ZBTB20: variants seen among roughly 807,000 people sequenced by gnomAD.
ZBTB20 encodes zinc finger and BTB domain-containing protein 20.
A neutral mutation model predicts 56.9 loss-of-function variants in ZBTB20; 9 were observed. The ratio of observed to expected loss-of-function variants is 0.16; its 90% CI spans 0.10 to 0.28. ZBTB20 has a LOEUF of 0.28. ZBTB20 is among the 10% of genes least tolerant of loss of function. The pLI is 1.00. For synonymous variants in ZBTB20, 417 were observed against 420.7 expected (o/e 0.99, Z 0.11); for missense variants, 655 against 1,003.0 (o/e 0.65, Z 4.69).
intron 4 of ZBTB20, among the ~76,000 whole-genome samples, chr3:114,825,441 T>C (rs1435513289): frequency 6.6e-6 from 1 of 151,926 alleles, no homozygotes; most frequent in African/African-American, 2.4e-5. Flanking sequence ...GGAGTACTTT[T>C]AAAGGCATTT....
intron 7 of ZBTB20, among the ~76,000 whole-genome samples, chr3:114,407,337 A>G (rs1023139194): frequency 1.1e-4 from 16 of 152,180 alleles, no homozygotes; most frequent in African/African-American, 3.9e-4. Flanking sequence ...ACTACCAGAA[A>G]GTGGATTTTG....
At chr3:114,734,671 A>C (rs946456882) in intron 5 of ZBTB20, among the ~76,000 whole-genome samples, 1 of 152,210 alleles carries the variant, frequency 6.6e-6, no homozygotes, top group African/African-American at 2.4e-5. Flanking sequence ...TGAGCTGTAC[A>C]TGCATTTAAG....
At chr3:114,728,701 A>G (rs2065491596) in intron 5 of ZBTB20, among the ~76,000 whole-genome samples, 1 of 152,234 alleles carries the variant, frequency 6.6e-6, no homozygotes, top group African/African-American at 2.4e-5. Context: ...AGACTGAAAG[A>G]AAGCACATAC....
At chr3:114,469,551 T>C (rs552019565) in intron 7 of ZBTB20, among the ~76,000 whole-genome samples, 1 of 152,356 alleles carries the variant, frequency 6.6e-6, no homozygotes, top group Non-Finnish European at 1.5e-5. Context: ...TATTTGGCTA[T>C]GTTCTGGTTC....
intron 5 of ZBTB20, among the ~76,000 whole-genome samples, chr3:114,766,425 C>T (rs563175752): frequency 6.6e-6 from 1 of 150,878 alleles, no homozygotes; most frequent in South Asian, 2.1e-4. Flanking sequence ...CTCTTAAATG[C>T]TTTTGCATGA....
chr3:114,593,531 T>C lies in ZBTB20; in HGVS notation c.-294-93140A>G, dbSNP rs569575824. On this transcript the variant is annotated intron_variant, in intron 6 of 11. Transcript: ENST00000675478. ...TCCTGAGTAGCTGGGATTACAGGCA[T>C]GCGCCACCACACATGGCTAATTTTG... Among the ~76,000 whole-genome samples, 19 of 152,048 alleles carry C rather than the reference T, an allele frequency of 1.2e-4. No individual in the cohort carries two copies. The East Asian group carries it at 1.9e-3, about 15-fold the overall frequency.
intron 5 of ZBTB20, among the ~76,000 whole-genome samples, chr3:114,783,781 G>A (rs1202424989): frequency 9.5e-6 from 1 of 105,130 alleles, no homozygotes; most frequent in Non-Finnish European, 1.9e-5. Context: ...GACGGAGCAA[G>A]ACTCTGCCTC....
chr3:115,092,383 G>A (rs1211091626), intron 1 of ZBTB20, among the ~76,000 whole-genome samples: 2 of 152,138 alleles, frequency 1.3e-5, no homozygotes, highest in African/African-American at 4.8e-5. Context: ...GTAAGAGACA[G>A]AATAGACCCT....
Position 114,565,210 on chromosome 3 carries a change from T to C in ZBTB20, c.-294-64819A>G, listed in dbSNP as rs145955962. 1.5e-4 allele frequency among the ~76,000 whole-genome samples: 23 copies of C among 152,330 alleles called. No homozygotes were observed. The East Asian group carries it at 4.2e-3, about 28-fold the overall frequency. On this transcript the variant is annotated intron_variant, in intron 6 of 11. Coordinates refer to ENST00000675478, the MANE Select transcript of ZBTB20 (RefSeq NM_001348800.3). Reference sequence around the variant, plus strand: ...AAAATTCCTCTTGCTACTTTTGACATGAAACACGCAGTCTCTAATTATTCT... The same window carrying C: ...AAAATTCCTCTTGCTACTTTTGACACGAAACACGCAGTCTCTAATTATTCT...
Position 114,316,821 on chromosome 3 carries a change from C to A in ZBTB20, c.*22184G>T, listed in dbSNP as rs1474109303. Reference sequence around the variant, plus strand: ...GGGGCTGACGTGGCAGTGCCAGGCTCGTGCCTGAGTGATTAATGGACATTC... The same window carrying A: ...GGGGCTGACGTGGCAGTGCCAGGCTAGTGCCTGAGTGATTAATGGACATTC... On this transcript the variant is annotated 3_prime_UTR_variant, in exon 12 of 12. Transcript: ENST00000675478. 3.8e-6 allele frequency: 1 copy of A among 265,600 alleles called. No individual in the cohort carries two copies. Among genetic ancestry groups the A allele is most frequent in the African/African-American group, 2.3e-5 (1 of 42,784 alleles). The allele number at this position is 265,600 out of a possible 1,614,324, so 16.5% of individuals were successfully genotyped here.
At chr3:115,027,441 G>GA (rs1327120093) in intron 2 of ZBTB20, 1 of 150,820 alleles carries the variant, frequency 6.6e-6, no homozygotes, top group African/African-American at 2.4e-5. Context: ...CTCTTTTCAT[G>GA]AGCTTATCAA....
intron 7 of ZBTB20, among the ~76,000 whole-genome samples, chr3:114,489,591 A>C (rs2042507989): frequency 1.3e-5 from 2 of 152,180 alleles, no homozygotes; most frequent in Non-Finnish European, 2.9e-5. Flanking sequence ...TAAAATCTAG[A>C]GAAGACACTA....
intron 2 of ZBTB20, among the ~76,000 whole-genome samples, chr3:115,021,081 A>G (rs1223527889): frequency 6.6e-6 from 1 of 150,990 alleles, no homozygotes; most frequent in Non-Finnish European, 1.5e-5. Flanking sequence ...TTTAATTTAC[A>G]TTAATGGACA....
chr3:115,020,975 G>A lies in ZBTB20; in HGVS notation c.-506-46559C>T, dbSNP rs116117243. On this transcript the variant is annotated intron_variant, in intron 2 of 11. Transcript: ENST00000675478. ...CGAATGTCCTACTGGTTAGATCTGT[G>A]AGTTAATTTAAATTTTTACAGGCTG... 5.0e-3 allele frequency among the ~76,000 whole-genome samples: 752 copies of A among 151,004 alleles called. 4 individuals are homozygous for A. Among genetic ancestry groups the A allele is most frequent in the African/African-American group, 0.017 (684 of 41,388 alleles).
At chr3:115,130,360 CTTAT>C (rs1236612599) in intron 1 of ZBTB20, among the ~76,000 whole-genome samples, 1 of 152,174 alleles carries the variant, frequency 6.6e-6, no homozygotes, top group East Asian at 1.9e-4. Flanking sequence ...GCATAATTAA[CTTAT>C]TTGTGACATC....
rs192011798 is a variant in ZBTB20 at position 114,938,339 on chromosome 3, T to C, written c.-456+36027A>G. ...TGCTTTTGGTGTTTTAGTCATGAAG[T>C]CTTTGCCCATGCCTATGTCCTGAAT... On this transcript the variant is annotated intron_variant, in intron 3 of 11. Coordinates refer to ENST00000675478, the MANE Select transcript of ZBTB20 (RefSeq NM_001348800.3). Among the ~76,000 whole-genome samples, 410 of 146,068 alleles carry C rather than the reference T, an allele frequency of 2.8e-3. 20 individuals are homozygous for C. The highest frequency in any genetic ancestry group is 0.026 in the Admixed American group (392 of 15,154).
chr3:114,823,153 C>T lies in ZBTB20; in HGVS notation c.-416-21979G>A, dbSNP rs150248431. ...GTTTTCCTGAAATATGTTCACATCC[C>T]ATTTTCTATGGGAATTCTCCCACTG... On this transcript the variant is annotated intron_variant, in intron 4 of 11. Coordinates refer to ENST00000675478, the MANE Select transcript of ZBTB20 (RefSeq NM_001348800.3). Among the ~76,000 whole-genome samples the T allele has an allele frequency of 3.7e-4, 56 of 152,188 alleles. No homozygotes were observed. The East Asian group carries it at 6.2e-3, about 17-fold the overall frequency.
At chr3:114,669,268 T>G (rs2061230229) in intron 6 of ZBTB20, among the ~76,000 whole-genome samples, 1 of 152,056 alleles carries the variant, frequency 6.6e-6, no homozygotes, top group Non-Finnish European at 1.5e-5. Flanking sequence ...TGAAAAACCC[T>G]GTGCTAAACT....
At chr3:115,109,940 T>C (rs2083826861) in intron 1 of ZBTB20, among the ~76,000 whole-genome samples, 1 of 152,194 alleles carries the variant, frequency 6.6e-6, no homozygotes. Context: ...CGGGGCACTG[T>C]GGCTCACGCC....
Sources: allele counts gnomAD v4.1 joint callset (sites outside exome capture counted in the v4.1 genomes callset), GRCh38; gene constraint gnomAD v4.1.1; transcripts MANE v1.5; gene names NCBI Gene and HGNC (gene_info 2026-07-23, HGNC 2026-07-21).